EIF2AK4: variants seen among roughly 807,000 people sequenced by gnomAD.
EIF2AK4 encodes the protein eukaryotic translation initiation factor 2 alpha kinase 4.
Under a neutral mutation model 211.1 loss-of-function variants are expected in EIF2AK4, and 139 were observed. That is an observed-to-expected ratio of 0.66 (90% CI 0.57 to 0.76). The LOEUF (loss-of-function observed/expected upper bound fraction) is 0.76. EIF2AK4 is among the 30% of genes least tolerant of loss of function. EIF2AK4 has a pLI of 0.00. For synonymous variants in EIF2AK4, 710 were observed against 751.3 expected (o/e 0.94, Z 0.90); for missense variants, 1,664 against 2,043.8 (o/e 0.81, Z 3.58).
intron 20 of EIF2AK4, 139 bp downstream of exon 20, chr15:39,998,923 G>A: frequency 1.4e-6 from 1 of 693,424 alleles, no homozygotes; most frequent in Non-Finnish European, 2.3e-6. Context: ...ATGAAAAGAT[G>A]AAGCACTTAA....
At chr15:39,990,909 C>T (rs2034934747) in intron 16 of EIF2AK4, among the ~76,000 whole-genome samples, 1 of 152,164 alleles carries the variant, frequency 6.6e-6, no homozygotes, top group African/African-American at 2.4e-5. Flanking sequence ...TAAGCAGAGG[C>T]CCCGGGGTAA....
At chr15:40,034,195 A>G in intron 37 of EIF2AK4, 131 bp from the exon 38 acceptor site, 1 of 693,136 alleles carries the variant, frequency 1.4e-6, no homozygotes, top group East Asian at 2.5e-5. Context: ...TGGTTCTGCT[A>G]TCTCCCTATT....
intron 11 of EIF2AK4, 133 bp downstream of exon 11, chr15:39,973,882 C>A: frequency 1.1e-6 from 1 of 950,046 alleles, no homozygotes; most frequent in Non-Finnish European, 1.6e-6. Flanking sequence ...CTATGCTCAT[C>A]CTCACCTTCC....
chr15:40,003,608 C>T (rs147576430), intron 23 of EIF2AK4, among the ~76,000 whole-genome samples: 17 of 152,264 alleles, frequency 1.1e-4, no homozygotes, highest in African/African-American at 2.4e-4. Context: ...GCAGGTTAAC[C>T]CCACCCACTT....
chr15:40,029,325 A>G, intron 33 of EIF2AK4, 81 bp from the exon 34 acceptor site: 1 of 1,554,680 alleles, frequency 6.4e-7, no homozygotes, highest in South Asian at 1.2e-5. Context: ...GTGGCTCACT[A>G]TACATGTAGT....
rs958754270 is a variant in EIF2AK4 at position 39,971,550 on chromosome 15, T to A, written c.1554-1358T>A. On this transcript the variant is annotated intron_variant, in intron 9 of 38. Transcript: ENST00000263791. Reference sequence around the variant, plus strand: ...CGTCTCATAATAAAATAAAATAAAATGAAAATAAATAAACAAAACATTCCA... The same window carrying A: ...CGTCTCATAATAAAATAAAATAAAAAGAAAATAAATAAACAAAACATTCCA... Among the ~76,000 whole-genome samples, 10 of 151,768 alleles carry A rather than the reference T, an allele frequency of 6.6e-5. No homozygotes were observed. The East Asian group carries it at 1.9e-3, about 29-fold the overall frequency.
intron 1 of EIF2AK4, 138 bp downstream of exon 1, chr15:39,934,477 C>T: frequency 4.1e-6 from 5 of 1,214,216 alleles, no homozygotes; most frequent in South Asian, 1.6e-5. Context: ...CACCCATGCT[C>T]ACTTTAGTCC....
intron 6 of EIF2AK4, among the ~76,000 whole-genome samples, chr15:39,960,842 A>G (rs1353868689): frequency 6.6e-6 from 1 of 152,224 alleles, no homozygotes; most frequent in Non-Finnish European, 1.5e-5. Flanking sequence ...GCCAATGCCA[A>G]GTAACTTTAT....
chr15:39,950,414 G>A (rs1023126977), intron 4 of EIF2AK4, among the ~76,000 whole-genome samples: 4 of 151,994 alleles, frequency 2.6e-5, no homozygotes, highest in Admixed American at 6.6e-5. Context: ...CCAACATGGC[G>A]AAACTCTGTC....
intron 25 of EIF2AK4, among the ~76,000 whole-genome samples, 153 bp from the exon 26 acceptor site, chr15:40,009,461 G>T (rs763611019): frequency 3.0e-4 from 45 of 151,528 alleles, no homozygotes; most frequent in Non-Finnish European, 5.3e-4. Context: ...AGTGCAAAAA[G>T]AATGTATGAA....
intron 27 of EIF2AK4, among the ~76,000 whole-genome samples, chr15:40,014,523 T>C (rs1318038155): frequency 1.3e-5 from 2 of 152,174 alleles, no homozygotes; most frequent in East Asian, 3.8e-4. Flanking sequence ...CCTTTAGCCA[T>C]GGGTGGAGCA....
At position 39,944,432 on chromosome 15, in the gene EIF2AK4, C is replaced by CTTTTTTTTT. The variant is rs55669603; in HGVS notation, c.360+956_360+964dup. On this transcript the variant is annotated intron_variant, in intron 3 of 38. Transcript: ENST00000263791. Reference sequence around the variant, plus strand: ...CCTGGCAGCTTATGTTTAACGATCTCTTTTTTTTTTTTTTTTTGAGGCGGA... The same window carrying CTTTTTTTTT: ...CCTGGCAGCTTATGTTTAACGATCTCTTTTTTTTTTTTTTTTTTTTTTTTTTGAGGCGGA... Among the ~76,000 whole-genome samples, 1,125 of 121,014 alleles carry CTTTTTTTTT rather than the reference C, an allele frequency of 9.3e-3. 48 individuals carry two copies. The highest frequency in any genetic ancestry group is 0.047 in the East Asian group (144 of 3,064). The allele number at this position is 121,014 out of a possible 152,430, so 79.4% of individuals were successfully genotyped here.
chr15:39,960,128 C>T (rs2034449289), intron 6 of EIF2AK4, among the ~76,000 whole-genome samples: 1 of 146,724 alleles, frequency 6.8e-6, no homozygotes, highest in Non-Finnish European at 1.5e-5. Flanking sequence ...CGCGCCACTG[C>T]ACTCCAGCCT....
At chr15:40,008,241 T>C in intron 25 of EIF2AK4, 46 bp downstream of exon 25, 5 of 1,528,272 alleles carry the variant, frequency 3.3e-6, no homozygotes, top group Non-Finnish European at 4.4e-6. Context: ...ACTATATTTC[T>C]TCACCAAGTG....
intron 27 of EIF2AK4, 105 bp from the exon 28 acceptor site, chr15:40,016,397 C>G (rs115016293): frequency 1.7e-4 from 221 of 1,325,726 alleles, no homozygotes; most frequent in Non-Finnish European, 1.6e-4. Context: ...CAAAGATAAT[C>G]GTAGCATCCC....
chr15:40,032,954 A>T (rs2035563020), intron 37 of EIF2AK4, among the ~76,000 whole-genome samples, 153 bp downstream of exon 37: 1 of 152,218 alleles, frequency 6.6e-6, no homozygotes, highest in Non-Finnish European at 1.5e-5. Flanking sequence ...TGTAACATAT[A>T]TGTTCCTAAA....
rs754519298 is a variant in EIF2AK4, at chr15:39,976,736, C to G, written c.2141C>G (p.Ser714Trp). Residue 714 changes from serine (S) to tryptophan (W), a missense_variant, in exon 12 of 39, where the codon TCG (serine) becomes TGG (tryptophan). Ser to Trp is a radical substitution (Grantham distance 177). This residue lies in a region of EIF2AK4 where 206 missense variants were observed against 201.9 expected (regional missense o/e 1.02). Coordinates refer to ENST00000263791, the MANE Select transcript of EIF2AK4 (RefSeq NM_001013703.4). ...ILSSSVEWST[S>W]GERSASARFP... ...AGCAGCTCGGTGGAGTGGAGCACTT[C>G]GGGCGAGCGCTCGGCCAGTGCCCGT... is the stretch of plus-strand genomic sequence containing the variant. 2 of 1,601,214 alleles carry G rather than the reference C, an allele frequency of 1.2e-6. No homozygotes were observed. Among genetic ancestry groups the G allele is most frequent in the Admixed American group, 1.7e-5 (1 of 59,072 alleles).
intron 3 of EIF2AK4, chr15:39,946,748 A>G: frequency 1.5e-6 from 1 of 677,806 alleles, no homozygotes; most frequent in South Asian, 1.6e-5. Context: ...AATTGCCGCA[A>G]CCACCCCAGC....
intron 11 of EIF2AK4, chr15:39,974,197 T>A (rs1468178987): frequency 1.3e-5 from 2 of 153,048 alleles, no homozygotes; most frequent in African/African-American, 4.8e-5. Context: ...TTTCCAGCTA[T>A]TATTGGGACA....
Sources: allele counts gnomAD v4.1 joint callset (sites outside exome capture counted in the v4.1 genomes callset), GRCh38; gene constraint gnomAD v4.1.1; regional missense constraint gnomAD v4.1.1; transcripts MANE v1.5; gene names NCBI Gene and HGNC (gene_info 2026-07-23, HGNC 2026-07-21).